The following TNIK variants were observed in gnomAD, a reference collection of about 807,000 sequenced individuals.
TNIK encodes the protein TRAF2 and NCK interacting kinase, also known as TRAF2 and NCK-interacting protein kinase.
A neutral mutation model predicts 191.3 loss-of-function variants in TNIK; 49 were observed. That is an observed-to-expected ratio of 0.26 (90% CI 0.20 to 0.32). TNIK has a LOEUF of 0.32. Ranked by LOEUF, TNIK falls within the 10% of genes least tolerant of loss-of-function variation. The pLI is 1.00. For synonymous variants in TNIK, 594 were observed against 600.9 expected (o/e 0.99, Z 0.17); for missense variants, 1,155 against 1,702.3 (o/e 0.68, Z 5.66).
intron 2 of TNIK, among the ~76,000 whole-genome samples, chr3:171,263,502 G>A (rs1269242928): frequency 6.6e-6 from 1 of 152,040 alleles, no homozygotes; most frequent in Non-Finnish European, 1.5e-5. Context: ...CAATGATGTT[G>A]CCTTTTAAAA....
At chr3:171,244,489 C>A (rs760871781) in intron 2 of TNIK, among the ~76,000 whole-genome samples, 1 of 152,006 alleles carries the variant, frequency 6.6e-6, no homozygotes, top group African/African-American at 2.4e-5. Flanking sequence ...GGGGAAAAAA[C>A]CACTTTTCTC....
chr3:171,070,488 A>G (rs1019513558), intron 29 of TNIK, among the ~76,000 whole-genome samples: 11 of 152,142 alleles, frequency 7.2e-5, no homozygotes, highest in African/African-American at 2.7e-4. Context: ...AGAGAGAGTG[A>G]GAGAAAACAG....
intron 28 of TNIK, among the ~76,000 whole-genome samples, chr3:171,077,424 T>C (rs1720109148): frequency 6.6e-6 from 1 of 152,140 alleles, no homozygotes; most frequent in African/African-American, 2.4e-5. Flanking sequence ...AAGACAGGAG[T>C]AAATCATGTG....
intron 22 of TNIK, among the ~76,000 whole-genome samples, chr3:171,098,965 A>G (rs900604600): frequency 6.6e-6 from 1 of 152,194 alleles, no homozygotes; most frequent in Non-Finnish European, 1.5e-5. Context: ...TCTCACATAC[A>G]TAATCACATA....
rs1717816828 is a variant in TNIK at position 171,061,390 on chromosome 3, CTA to C, written c.*2489_*2490del. 2 of 152,114 alleles carry C rather than the reference CTA, an allele frequency of 1.3e-5. No individual in the cohort carries two copies. The highest frequency in any genetic ancestry group is 2.9e-5 in the Non-Finnish European group (2 of 68,026). 9.4% of individuals were successfully genotyped at this position (152,114 alleles called of 1,614,324 possible). On this transcript the variant is annotated 3_prime_UTR_variant, in exon 33 of 33. Transcript: ENST00000436636. ...TGTTGGCACCAGAAAAGCTCATGTT[CTA>C]TGTTATGTCACTGTACATACTGTAA...
intron 1 of TNIK, among the ~76,000 whole-genome samples, chr3:171,408,742 C>T (rs1722027124): frequency 2.0e-5 from 3 of 152,202 alleles, no homozygotes; most frequent in Admixed American, 2.0e-4. Context: ...CCCTCTTTCA[C>T]CTCTTCTTAT....
chr3:171,096,799 G>T (rs1722786274), intron 22 of TNIK, among the ~76,000 whole-genome samples: 1 of 152,160 alleles, frequency 6.6e-6, no homozygotes, highest in African/African-American at 2.4e-5. Flanking sequence ...TGGAATGCAG[G>T]TAGCACATAA....
chr3:171,336,306 C>T (rs1756945851), intron 2 of TNIK, among the ~76,000 whole-genome samples: 1 of 152,158 alleles, frequency 6.6e-6, no homozygotes. Context: ...TCCAAATATC[C>T]TTGATACTGT....
Position 171,308,970 on chromosome 3 carries a change from A to G in TNIK, c.123+60650T>C, listed in dbSNP as rs1246330648. On this transcript the variant is annotated intron_variant, in intron 2 of 32. Transcript: ENST00000436636. ...GGTGGAAATGTAAATTCATTTTGCC[A>G]CTATGGAAAGCAGTTCGGTGATTTC... Among the ~76,000 whole-genome samples, 6 of 152,200 alleles carry G rather than the reference A, an allele frequency of 3.9e-5. No individual in the cohort carries two copies. The East Asian group carries it at 1.2e-3, about 29-fold the overall frequency.
chr3:171,150,803 G>A (rs1365459295), intron 12 of TNIK, among the ~76,000 whole-genome samples: 2 of 152,130 alleles, frequency 1.3e-5, no homozygotes, highest in Admixed American at 1.3e-4. Flanking sequence ...AGCCCAGTAA[G>A]ACATAACGAA....
chr3:171,171,744 G>T (rs150368280), intron 9 of TNIK, among the ~76,000 whole-genome samples: 21 of 152,284 alleles, frequency 1.4e-4, no homozygotes, highest in African/African-American at 4.8e-4. Flanking sequence ...GCAAGAGAAG[G>T]TAGGAGAAAA....
intron 32 of TNIK, 121 bp downstream of exon 32, chr3:171,066,066 A>G (rs1226542183): frequency 5.4e-6 from 7 of 1,304,262 alleles, no homozygotes; most frequent in Non-Finnish European, 7.4e-6. Context: ...CCATTTCAAG[A>G]TAATATTGAT....
At chr3:171,124,933 G>A (rs1728267092) in intron 17 of TNIK, among the ~76,000 whole-genome samples, 1 of 151,966 alleles carries the variant, frequency 6.6e-6, no homozygotes, top group Admixed American at 6.6e-5. Flanking sequence ...TGCTCCCTAT[G>A]TACCCTTTTT....
chr3:171,303,677 T>C (rs1469505560), intron 2 of TNIK, among the ~76,000 whole-genome samples: 2 of 152,174 alleles, frequency 1.3e-5, no homozygotes, highest in Admixed American at 6.5e-5. Flanking sequence ...AAGGCTCAAC[T>C]CAGACTTTTT....
At chr3:171,364,956 TA>T (rs1195904911) in intron 2 of TNIK, among the ~76,000 whole-genome samples, 1 of 151,930 alleles carries the variant, frequency 6.6e-6, no homozygotes, top group Non-Finnish European at 1.5e-5. Context: ...TTATGGAATA[TA>T]AAACTATTTA....
At chr3:171,133,699 G>A (rs530686619) in intron 15 of TNIK, among the ~76,000 whole-genome samples, 75 of 152,208 alleles carry the variant, frequency 4.9e-4, no homozygotes, top group African/African-American at 1.7e-3. Context: ...AGAAATGGAG[G>A]AAAGATATAA....
chr3:171,443,593 G>A (rs1199105425), intron 1 of TNIK, among the ~76,000 whole-genome samples: 2 of 152,014 alleles, frequency 1.3e-5, no homozygotes, highest in East Asian at 3.9e-4. Flanking sequence ...CAGCACTTTT[G>A]GGAGGCTGAG....
chr3:171,124,833 T>G (rs1344474819), intron 17 of TNIK, among the ~76,000 whole-genome samples: 1 of 152,196 alleles, frequency 6.6e-6, no homozygotes, highest in Non-Finnish European at 1.5e-5. Context: ...TGCCTGCGTA[T>G]TTTTAGAGAG....
intron 1 of TNIK, among the ~76,000 whole-genome samples, chr3:171,397,018 A>G (rs1162503616): frequency 6.6e-6 from 1 of 152,186 alleles, no homozygotes; most frequent in East Asian, 1.9e-4. Flanking sequence ...TCTCACCAAG[A>G]GTCTGAATTG....
Sources: gnomAD v4.1 joint callset for allele counts (sites outside exome capture counted in the v4.1 genomes callset) on GRCh38, gnomAD v4.1.1 for gene constraint, MANE v1.5 for transcripts, NCBI Gene and HGNC (gene_info 2026-07-23, HGNC 2026-07-21) for gene names.